Variants in PLD5 observed in about 807,000 individuals in gnomAD.
PLD5 encodes the protein inactive phospholipase D5.
In PLD5, 36 loss-of-function variants were observed where a neutral mutation model predicts 61.1. The observed-to-expected ratio is 0.59, with a 90% CI of 0.45 to 0.78. The LOEUF (loss-of-function observed/expected upper bound fraction) is 0.78. Among genes scored for constraint, PLD5 ranks in the 30% least tolerant of loss-of-function variants. The pLI is 0.00. For synonymous variants in PLD5, 243 were observed against 242.8 expected, an observed-to-expected ratio of 1.00 and a Z score of -0.01; for missense variants, 515 against 644.4, an observed-to-expected ratio of 0.80 and a Z score of 2.17.
In PLD5 at chr1:242,230,899, G is replaced by T. The variant is rs565522187; in HGVS notation, c.608-10784C>A. Among the ~76,000 whole-genome samples, 4 of 152,266 alleles carry T rather than the reference G, an allele frequency of 2.6e-5. No homozygotes were observed. In the South Asian group the frequency reaches 6.2e-4, roughly 24 times the overall value. On this transcript the variant is annotated intron_variant, in intron 4 of 9. Transcript: ENST00000536534. ...CTTCCCTGTCATATATTTGTCTTAT[G>T]ACTAGGATATTCTGCTTCTTGGGAA... is the stretch of plus-strand genomic sequence containing the variant.
chr1:242,359,032 C>T (rs1439360470), intron 1 of PLD5, among the ~76,000 whole-genome samples: 1 of 152,198 alleles, frequency 6.6e-6, no homozygotes, highest in Non-Finnish European at 1.5e-5. Context: ...CTTCCCACCT[C>T]TTCTGGGAGT....
intron 5 of PLD5, among the ~76,000 whole-genome samples, chr1:242,160,598 G>A (rs1016731592): frequency 2.0e-5 from 3 of 152,150 alleles, no homozygotes; most frequent in Admixed American, 6.5e-5. Context: ...TGGAAAATGT[G>A]TATTTTGGCC....
At chr1:242,480,936 G>A (rs891274891) in intron 1 of PLD5, among the ~76,000 whole-genome samples, 1 of 152,114 alleles carries the variant, frequency 6.6e-6, no homozygotes, top group Non-Finnish European at 1.5e-5. Flanking sequence ...TTAAAAAATA[G>A]TCTGGTAGGG....
At chr1:242,470,097 T>G (rs1667394933) in intron 1 of PLD5, among the ~76,000 whole-genome samples, 1 of 152,112 alleles carries the variant, frequency 6.6e-6, no homozygotes, top group South Asian at 2.1e-4. Context: ...ATCCCGGCAC[T>G]CTGGGAGACG....
intron 1 of PLD5, among the ~76,000 whole-genome samples, chr1:242,465,711 G>T (rs1667255337): frequency 6.6e-6 from 1 of 152,120 alleles, no homozygotes; most frequent in Non-Finnish European, 1.5e-5. Context: ...GGTGGATCAT[G>T]AGGTCAGGAG....
chr1:242,474,809 C>T (rs1486216242), intron 1 of PLD5, among the ~76,000 whole-genome samples: 1 of 152,180 alleles, frequency 6.6e-6, no homozygotes, highest in African/African-American at 2.4e-5. Flanking sequence ...TCTTTCAACA[C>T]CCACACCTGA....
intron 5 of PLD5, among the ~76,000 whole-genome samples, chr1:242,212,257 A>G (rs941082801): frequency 5.9e-5 from 9 of 152,238 alleles, no homozygotes; most frequent in Non-Finnish European, 7.3e-5. Flanking sequence ...GATATGCTAC[A>G]GCGAAGAGAC....
chr1:242,372,942 T>C (rs1477170911), intron 1 of PLD5, among the ~76,000 whole-genome samples: 6 of 152,016 alleles, frequency 3.9e-5, no homozygotes, highest in Admixed American at 6.5e-5. Flanking sequence ...AATTGACAAA[T>C]GGGATCTAAT....
rs188385723 is a variant in PLD5, at chr1:242,224,996, C to T, written c.608-4881G>A. Among the ~76,000 whole-genome samples, 237 of 152,290 alleles carry T rather than the reference C, an allele frequency of 1.6e-3. 1 individual carries two copies. Among genetic ancestry groups the T allele is most frequent in the Non-Finnish European group, 6.3e-4 (43 of 68,036 alleles). ...TTCAAACCCCAGCCCTTGGCAACTA[C>T]GCAGCAGGATTTTTTGCGTGTGTGC... On this transcript the variant is annotated intron_variant, in intron 4 of 9. Coordinates refer to ENST00000536534, the MANE Select transcript of PLD5 (RefSeq NM_001372062.1).
intron 2 of PLD5, among the ~76,000 whole-genome samples, chr1:242,336,381 C>T (rs1009576181): frequency 6.6e-6 from 1 of 152,142 alleles, no homozygotes. Flanking sequence ...GGTCATTACG[C>T]TAACAACAAA....
At chr1:242,346,256 T>C (rs1660131449) in intron 2 of PLD5, among the ~76,000 whole-genome samples, 1 of 151,840 alleles carries the variant, frequency 6.6e-6, no homozygotes, top group Non-Finnish European at 1.5e-5. Flanking sequence ...TTAAAGCAAA[T>C]TTTAGCTTCC....
At chr1:242,392,633 C>G (rs1281453384) in intron 1 of PLD5, among the ~76,000 whole-genome samples, 1 of 152,150 alleles carries the variant, frequency 6.6e-6, no homozygotes, top group Non-Finnish European at 1.5e-5. Context: ...GCTGGCCCCT[C>G]TCTCAGTGCC....
At chr1:242,467,634 TA>T (rs1667318242) in intron 1 of PLD5, among the ~76,000 whole-genome samples, 1 of 152,180 alleles carries the variant, frequency 6.6e-6, no homozygotes, top group East Asian at 1.9e-4. Context: ...TCTTCTTCAT[TA>T]ACTTGACCTC....
intron 3 of PLD5, among the ~76,000 whole-genome samples, chr1:242,280,878 T>C (rs544347248): frequency 1.3e-5 from 2 of 152,370 alleles, no homozygotes; most frequent in Non-Finnish European, 2.9e-5. Context: ...AGCCCTGTGT[T>C]ACAAAGTAGA....
In PLD5 at chr1:242,095,638, T is replaced by G. The variant is rs183798825; in HGVS notation, c.1354+5030A>C. On this transcript the variant is annotated intron_variant, in intron 9 of 9. Transcript: ENST00000536534. ...CCCTCATCTCCTTTTTAAAAAACAT[T>G]CCCACAAAAGAACATTTAGATACAG... Among the ~76,000 whole-genome samples the G allele has an allele frequency of 2.1e-3, 324 of 152,266 alleles. 2 individuals are homozygous for G. Among genetic ancestry groups the G allele is most frequent in the Admixed American group, 0.015 (226 of 15,294 alleles).
chr1:242,137,843 AAAAAG>A (rs1265125453), intron 5 of PLD5, among the ~76,000 whole-genome samples: 19 of 151,866 alleles, frequency 1.3e-4, no homozygotes, highest in African/African-American at 3.9e-4. Context: ...AATGTGGGGG[AAAAAG>A]AAAAGAAAAG....
At chr1:242,465,799 G>A (rs112928663) in intron 1 of PLD5, among the ~76,000 whole-genome samples, 7,744 of 152,218 alleles carry the variant, frequency 0.051, 242 homozygotes, top group Middle Eastern at 0.061. Flanking sequence ...GCATGGTGGC[G>A]GATGCCTGTA....
At position 242,249,030 on chromosome 1, in the gene PLD5, C is replaced by T. The variant is rs561256834; in HGVS notation, c.607+16307G>A. Among the ~76,000 whole-genome samples the T allele has an allele frequency of 3.3e-5, 5 of 152,262 alleles. No homozygotes were observed. In the South Asian group the frequency reaches 1.0e-3, roughly 32 times the overall value. On this transcript the variant is annotated intron_variant, in intron 4 of 9. Transcript: ENST00000536534. Reference sequence around the variant, plus strand: ...GGGTGTGGTGGTGCAGGCCTGTAATCCCAGCTACTCGGGAGGCAGAGGTCG... The same window carrying T: ...GGGTGTGGTGGTGCAGGCCTGTAATTCCAGCTACTCGGGAGGCAGAGGTCG...
intron 5 of PLD5, among the ~76,000 whole-genome samples, chr1:242,134,717 A>G (rs1663570263): frequency 6.6e-6 from 1 of 152,128 alleles, no homozygotes; most frequent in African/African-American, 2.4e-5. Context: ...CCTCCTCAAC[A>G]ATGCCCTCCC....
Sources: allele counts gnomAD v4.1 joint callset (sites outside exome capture counted in the v4.1 genomes callset), GRCh38; gene constraint gnomAD v4.1.1; transcripts MANE v1.5; gene names NCBI Gene and HGNC (gene_info 2026-07-23, HGNC 2026-07-21).